Variants in CACNA2D3 observed in about 807,000 individuals in gnomAD.
The protein encoded by CACNA2D3 is voltage-dependent calcium channel subunit alpha-2/delta-3.
In CACNA2D3, 60 loss-of-function variants were observed where a neutral mutation model predicts 160.6. The ratio of observed to expected loss-of-function variants is 0.37; its 90% CI spans 0.30 to 0.46. The LOEUF (loss-of-function observed/expected upper bound fraction) is 0.46, where lower values mean the gene tolerates loss of function less well. Among genes scored for constraint, CACNA2D3 ranks in the 20% least tolerant of loss-of-function variants. The pLI, the probability that CACNA2D3 is intolerant of heterozygous loss-of-function variation, is 1.00. For synonymous variants in CACNA2D3, 558 were observed against 492.9 expected (o/e 1.13, Z -1.75); for missense variants, 1,205 against 1,365.0 (o/e 0.88, Z 1.85).
intron 4 of CACNA2D3, among the ~76,000 whole-genome samples, chr3:54,450,940 A>G (rs113002746): frequency 3.5e-4 from 53 of 152,278 alleles, no homozygotes; most frequent in South Asian, 1.5e-3. Flanking sequence ...TTGAAATACA[A>G]TGGTGGAACT....
intron 2 of CACNA2D3, among the ~76,000 whole-genome samples, chr3:54,264,787 T>G (rs1417458068): frequency 1.3e-5 from 2 of 152,342 alleles, no homozygotes; most frequent in South Asian, 2.1e-4. Flanking sequence ...ATCCAAACAC[T>G]ACCAAGTTTT....
intron 11 of CACNA2D3, among the ~76,000 whole-genome samples, chr3:54,744,111 C>T (rs942279335): frequency 6.6e-5 from 10 of 152,106 alleles, no homozygotes; most frequent in Admixed American, 6.5e-4. Context: ...CCACAATGTC[C>T]CTCTATGTAG....
intron 35 of CACNA2D3, among the ~76,000 whole-genome samples, chr3:55,053,284 C>G (rs1332743561): frequency 2.0e-5 from 3 of 152,024 alleles, no homozygotes; most frequent in Non-Finnish European, 4.4e-5. Context: ...CAGCTCCTTA[C>G]ATACCATTTA....
intron 3 of CACNA2D3, among the ~76,000 whole-genome samples, chr3:54,330,679 C>A (rs1409958869): frequency 6.6e-6 from 1 of 152,242 alleles, no homozygotes; most frequent in Non-Finnish European, 1.5e-5. Context: ...TCCAGTCAGA[C>A]TGGAGCACAG....
At chr3:55,061,886 G>A (rs1304906412) in intron 35 of CACNA2D3, among the ~76,000 whole-genome samples, 1 of 152,170 alleles carries the variant, frequency 6.6e-6, no homozygotes, top group Non-Finnish European at 1.5e-5. Flanking sequence ...AGGGAAGGGT[G>A]CAGTCCTTCC....
chr3:54,169,001 G>A (rs560514955), intron 2 of CACNA2D3, among the ~76,000 whole-genome samples: 48 of 152,238 alleles, frequency 3.2e-4, no homozygotes, highest in African/African-American at 1.1e-3. Flanking sequence ...TGCTCAAAAC[G>A]GTGAGATTGA....
At chr3:54,434,084 T>G (rs1183377172) in intron 4 of CACNA2D3, among the ~76,000 whole-genome samples, 2 of 152,238 alleles carry the variant, frequency 1.3e-5, no homozygotes, top group African/African-American at 4.8e-5. Context: ...AACCCAATCT[T>G]CCATTTCCTC....
intron 17 of CACNA2D3, among the ~76,000 whole-genome samples, chr3:54,863,727 A>G (rs969009253): frequency 2.6e-5 from 4 of 152,100 alleles, no homozygotes; most frequent in Admixed American, 2.6e-4. Context: ...TTTTTTAAAA[A>G]AAAAATACCA....
chr3:54,826,532 T>G (rs898521110), intron 14 of CACNA2D3, among the ~76,000 whole-genome samples: 4 of 152,228 alleles, frequency 2.6e-5, no homozygotes, highest in African/African-American at 9.6e-5. Context: ...ATTGAACCAC[T>G]TGCTGAATCA....
intron 5 of CACNA2D3, among the ~76,000 whole-genome samples, chr3:54,533,141 C>G (rs1207412811): frequency 2.6e-5 from 4 of 152,046 alleles, no homozygotes; most frequent in African/African-American, 4.8e-5. Context: ...CTGTCTAAAC[C>G]CTGTCTGCTT....
At chr3:54,875,913 A>G (rs1020875512) in intron 18 of CACNA2D3, among the ~76,000 whole-genome samples, 1 of 152,190 alleles carries the variant, frequency 6.6e-6, no homozygotes, top group Non-Finnish European at 1.5e-5. Context: ...CCATTGCATT[A>G]CCACACTTGC....
At chr3:54,464,420 G>T (rs552138816) in intron 4 of CACNA2D3, among the ~76,000 whole-genome samples, 1 of 152,342 alleles carries the variant, frequency 6.6e-6, no homozygotes, top group South Asian at 2.1e-4. Flanking sequence ...GCTGTGGTGG[G>T]CTCCACCCAG....
At chr3:54,745,109 A>C (rs1701729713) in intron 11 of CACNA2D3, among the ~76,000 whole-genome samples, 1 of 152,264 alleles carries the variant, frequency 6.6e-6, no homozygotes, top group Non-Finnish European at 1.5e-5. Context: ...AGCAGAAGGC[A>C]TGCCATACCA....
At chr3:54,603,713 T>A (rs1316997638) in intron 9 of CACNA2D3, among the ~76,000 whole-genome samples, 2 of 152,218 alleles carry the variant, frequency 1.3e-5, no homozygotes, top group Non-Finnish European at 2.9e-5. Context: ...TGTTTTCTCA[T>A]GTTTAAAAAG....
intron 26 of CACNA2D3, among the ~76,000 whole-genome samples, chr3:54,899,139 G>C (rs1238500622): frequency 6.6e-6 from 1 of 152,132 alleles, no homozygotes; most frequent in South Asian, 2.1e-4. Context: ...TTAACTCCAG[G>C]CATTCAGAAT....
intron 13 of CACNA2D3, among the ~76,000 whole-genome samples, chr3:54,810,734 T>C (rs560044682): frequency 6.6e-6 from 1 of 152,286 alleles, no homozygotes; most frequent in South Asian, 2.1e-4. Flanking sequence ...TGGAGTTTTA[T>C]GTTTGAAAAA....
At chr3:54,172,541 AGT>A (rs1700597751) in intron 2 of CACNA2D3, among the ~76,000 whole-genome samples, 1 of 152,242 alleles carries the variant, frequency 6.6e-6, no homozygotes, top group African/African-American at 2.4e-5. Flanking sequence ...CCCAATGCTA[AGT>A]ACATGGAGAA....
intron 14 of CACNA2D3, among the ~76,000 whole-genome samples, chr3:54,820,078 T>G (rs1703553252): frequency 6.6e-6 from 1 of 152,002 alleles, no homozygotes; most frequent in African/African-American, 2.4e-5. Flanking sequence ...GTTCCAGGGG[T>G]GAAAGAGAGG....
intron 4 of CACNA2D3, among the ~76,000 whole-genome samples, chr3:54,493,465 T>C (rs1701149109): frequency 6.6e-6 from 1 of 152,170 alleles, no homozygotes; most frequent in South Asian, 2.1e-4. Context: ...ATTCCAGTAT[T>C]CAGGACCTTC....
Sources: gnomAD v4.1 joint callset for allele counts (sites outside exome capture counted in the v4.1 genomes callset) on GRCh38, gnomAD v4.1.1 for gene constraint, MANE v1.5 for transcripts, NCBI Gene and HGNC (gene_info 2026-07-23, HGNC 2026-07-21) for gene names.